The following GPC5 variants were observed in gnomAD, a reference collection of about 807,000 sequenced individuals.
GPC5 encodes the protein glypican-5.
GPC5 carries 47 observed loss-of-function variants against 53.9 expected under a neutral mutation model. That is an observed-to-expected ratio of 0.87 (90% CI 0.69 to 1.11). GPC5 has a LOEUF of 1.11. Ranked by LOEUF, GPC5 falls within the 50% of genes most tolerant of loss-of-function variation. GPC5 has a pLI of 0.00. For missense variants in GPC5, 748 were observed against 713.1 expected (o/e 1.05, Z -0.56); for synonymous variants, 286 against 263.3 (o/e 1.09, Z -0.84).
chr13:91,448,019 A>T (rs948154411), intron 1 of GPC5, among the ~76,000 whole-genome samples: 1 of 152,158 alleles, frequency 6.6e-6, no homozygotes, highest in African/African-American at 2.4e-5. Context: ...CCCTACCAGG[A>T]TGAAAGTTTA....
intron 7 of GPC5, among the ~76,000 whole-genome samples, chr13:92,242,850 T>A (rs1416620303): frequency 1.3e-5 from 2 of 152,158 alleles, no homozygotes; most frequent in Admixed American, 1.3e-4. Flanking sequence ...TCAATGTCCT[T>A]ATAGCCAACA....
intron 7 of GPC5, among the ~76,000 whole-genome samples, chr13:92,811,435 A>T (rs778705720): frequency 2.0e-5 from 3 of 151,846 alleles, no homozygotes; most frequent in Non-Finnish European, 4.4e-5. Flanking sequence ...TTTTGAAAAA[A>T]CATTCTAGCA....
At chr13:92,740,250 C>T (rs1010062240) in intron 7 of GPC5, among the ~76,000 whole-genome samples, 11 of 152,056 alleles carry the variant, frequency 7.2e-5, no homozygotes, top group Admixed American at 7.2e-4. Flanking sequence ...TAGTAAGACT[C>T]CCCTTTACCA....
chr13:92,862,474 C>A (rs748987607), intron 7 of GPC5, among the ~76,000 whole-genome samples: 18 of 152,044 alleles, frequency 1.2e-4, no homozygotes, highest in Non-Finnish European at 2.2e-4. Flanking sequence ...CTGCTCCCAG[C>A]ATTCCATCTG....
chr13:92,590,322 G>C (rs1270216540), intron 7 of GPC5, among the ~76,000 whole-genome samples: 1 of 151,950 alleles, frequency 6.6e-6, no homozygotes, highest in African/African-American at 2.4e-5. Context: ...CCTACACAAG[G>C]CAACAAGCCC....
chr13:91,616,082 G>A (rs1407621242), intron 2 of GPC5, among the ~76,000 whole-genome samples: 2 of 152,120 alleles, frequency 1.3e-5, no homozygotes, highest in African/African-American at 4.8e-5. Flanking sequence ...AAAAAGGCTT[G>A]TATTAATCTG....
intron 2 of GPC5, among the ~76,000 whole-genome samples, chr13:91,478,881 T>TATATATATATATA (rs1555312577): frequency 3.0e-5 from 2 of 67,514 alleles, no homozygotes; most frequent in African/African-American, 6.5e-5. Context: ...TATATACACA[T>TATATATATATATA]TATATATATA....
chr13:92,806,510 T>C (rs1405448052), intron 7 of GPC5, among the ~76,000 whole-genome samples: 2 of 152,140 alleles, frequency 1.3e-5, no homozygotes, highest in Non-Finnish European at 2.9e-5. Flanking sequence ...TGGCCTATCA[T>C]AGCTTTCAAC....
chr13:91,692,861 C>T (rs541164587), intron 2 of GPC5, among the ~76,000 whole-genome samples: 1 of 152,302 alleles, frequency 6.6e-6, no homozygotes, highest in South Asian at 2.1e-4. Flanking sequence ...TCTGGCTGGT[C>T]TCGAACTCTT....
chr13:91,803,961 C>G (rs191987937), intron 5 of GPC5, among the ~76,000 whole-genome samples: 31 of 151,936 alleles, frequency 2.0e-4, no homozygotes, highest in African/African-American at 7.3e-4. Context: ...GAAAGAGACA[C>G]AACAAGGGGA....
intron 6 of GPC5, among the ~76,000 whole-genome samples, chr13:92,031,816 C>CATATTAT (rs1425811808): frequency 4.8e-5 from 4 of 83,842 alleles, no homozygotes. Flanking sequence ...TAATATATTA[C>CATATTAT]ATATTATATA....
chr13:92,815,312 A>T (rs1018797325), intron 7 of GPC5, among the ~76,000 whole-genome samples: 1 of 152,150 alleles, frequency 6.6e-6, no homozygotes, highest in Non-Finnish European at 1.5e-5. Context: ...TAACCAATGA[A>T]GTTCCCACTT....
intron 7 of GPC5, among the ~76,000 whole-genome samples, chr13:92,348,447 T>C (rs777652750): frequency 1.6e-4 from 25 of 152,062 alleles, no homozygotes; most frequent in Non-Finnish European, 3.2e-4. Flanking sequence ...TATGAAATGA[T>C]TTTGAGAGAG....
chr13:92,175,398 CT>C (rs2042102553), intron 7 of GPC5, among the ~76,000 whole-genome samples: 1 of 152,096 alleles, frequency 6.6e-6, no homozygotes, highest in African/African-American at 2.4e-5. Flanking sequence ...TGCTTCTTTT[CT>C]GATTCTAGAT....
intron 7 of GPC5, among the ~76,000 whole-genome samples, chr13:92,551,969 A>G (rs1882332997): frequency 6.6e-6 from 1 of 151,920 alleles, no homozygotes; most frequent in South Asian, 2.1e-4. Context: ...ATATGCATTA[A>G]TTTAACATAC....
intron 1 of GPC5, among the ~76,000 whole-genome samples, chr13:91,433,705 G>C (rs1191127806): frequency 3.9e-5 from 6 of 151,926 alleles, no homozygotes; most frequent in African/African-American, 1.5e-4. Context: ...TAATCCTTTG[G>C]GTATATACCC....
At chr13:91,972,045 T>C (rs1376841563) in intron 6 of GPC5, among the ~76,000 whole-genome samples, 2 of 152,216 alleles carry the variant, frequency 1.3e-5, no homozygotes, top group East Asian at 3.9e-4. Context: ...GTCGTTGATC[T>C]GTCTAATGTT....
chr13:91,784,608 C>T (rs1349880461), intron 5 of GPC5, among the ~76,000 whole-genome samples: 7 of 151,898 alleles, frequency 4.6e-5, no homozygotes, highest in African/African-American at 1.7e-4. Flanking sequence ...CCTGTAATCC[C>T]AGCTACTTGG....
At chr13:92,483,480 C>T (rs1427882170) in intron 7 of GPC5, among the ~76,000 whole-genome samples, 6 of 152,146 alleles carry the variant, frequency 3.9e-5, no homozygotes, top group African/African-American at 9.7e-5. Flanking sequence ...AGGGAAATTA[C>T]TATGAATGGA....
Sources: gnomAD v4.1 joint callset for allele counts (sites outside exome capture counted in the v4.1 genomes callset) on GRCh38, gnomAD v4.1.1 for gene constraint, MANE v1.5 for transcripts, NCBI Gene and HGNC (gene_info 2026-07-23, HGNC 2026-07-21) for gene names.